The following STK39 variants were observed in gnomAD, a reference collection of about 807,000 sequenced individuals.
STK39 encodes STE20/SPS1-related proline-alanine-rich protein kinase.
Under a neutral mutation model 77.8 loss-of-function variants are expected in STK39, and 20 were observed. That is an observed-to-expected ratio of 0.26 (90% CI 0.18 to 0.37). The LOEUF (loss-of-function observed/expected upper bound fraction) is 0.37. Ranked by LOEUF, STK39 falls within the 10% of genes least tolerant of loss-of-function variation. The pLI is 1.00. For missense variants in STK39, 479 were observed against 656.5 expected, an observed-to-expected ratio of 0.73 and a Z score of 2.95; for synonymous variants, 246 against 234.1, an observed-to-expected ratio of 1.05 and a Z score of -0.47.
chr2:167,970,237 T>A (rs1245508027), intron 16 of STK39, among the ~76,000 whole-genome samples: 1 of 152,202 alleles, frequency 6.6e-6, no homozygotes, highest in Non-Finnish European at 1.5e-5. Flanking sequence ...TATTTATACA[T>A]TATTTCTGGA....
intron 1 of STK39, among the ~76,000 whole-genome samples, chr2:168,207,141 A>T (rs182149430): frequency 3.5e-4 from 54 of 152,356 alleles, no homozygotes; most frequent in African/African-American, 1.3e-3. Flanking sequence ...TAAATGACCA[A>T]GATCACACTA....
chr2:168,071,871 A>C (rs1685950641), intron 12 of STK39, among the ~76,000 whole-genome samples: 1 of 105,832 alleles, frequency 9.4e-6, no homozygotes, highest in African/African-American at 2.9e-5. Flanking sequence ...CTCCATCTCA[A>C]AAAAAAAAAA....
chr2:168,013,397 G>T (rs931213220), intron 15 of STK39, among the ~76,000 whole-genome samples: 3 of 152,196 alleles, frequency 2.0e-5, no homozygotes, highest in Admixed American at 2.0e-4. Context: ...GGTTACGAAT[G>T]AACATGATCA....
At chr2:168,222,897 A>G (rs1690211224) in intron 1 of STK39, among the ~76,000 whole-genome samples, 1 of 152,204 alleles carries the variant, frequency 6.6e-6, no homozygotes, top group Non-Finnish European at 1.5e-5. Flanking sequence ...GGACTAAATG[A>G]GCTAAATATG....
intron 16 of STK39, among the ~76,000 whole-genome samples, chr2:167,965,984 G>A (rs1692148769): frequency 6.6e-6 from 1 of 152,014 alleles, no homozygotes; most frequent in Admixed American, 6.6e-5. Context: ...TACTCAATAT[G>A]GCCTATTTCT....
chr2:167,960,805 C>A (rs140920619), intron 17 of STK39, among the ~76,000 whole-genome samples: 8 of 152,084 alleles, frequency 5.3e-5, no homozygotes, highest in South Asian at 2.1e-4. Context: ...GAGAACCACT[C>A]GTCTATCCCA....
chr2:168,244,461 G>A (rs1057270077), intron 1 of STK39, among the ~76,000 whole-genome samples: 4 of 152,170 alleles, frequency 2.6e-5, no homozygotes, highest in Admixed American at 1.3e-4. Flanking sequence ...TGCTGGTCAC[G>A]GTTCACACTG....
At chr2:168,195,325 AG>A (rs1332228851) in intron 1 of STK39, among the ~76,000 whole-genome samples, 1 of 152,138 alleles carries the variant, frequency 6.6e-6, no homozygotes, top group African/African-American at 2.4e-5. Context: ...GCTTGAGCAG[AG>A]GAAGTTGAGG....
chr2:168,223,253 T>C (rs1690220048), intron 1 of STK39, among the ~76,000 whole-genome samples: 1 of 152,134 alleles, frequency 6.6e-6, no homozygotes, highest in African/African-American at 2.4e-5. Context: ...CTCATGCCTA[T>C]AATCTCAGCA....
At chr2:168,208,104 T>C (rs1689788532) in intron 1 of STK39, among the ~76,000 whole-genome samples, 3 of 152,198 alleles carry the variant, frequency 2.0e-5, no homozygotes, top group Non-Finnish European at 2.9e-5. Context: ...GTCAAGGTCA[T>C]GTAATGAACA....
At chr2:168,095,111 G>A (rs1292331229) in intron 10 of STK39, among the ~76,000 whole-genome samples, 1 of 152,068 alleles carries the variant, frequency 6.6e-6, no homozygotes, top group Non-Finnish European at 1.5e-5. Context: ...GCTTCTTCCA[G>A]CCTGATCTCC....
At chr2:168,088,224 T>A (rs1686422073) in intron 10 of STK39, among the ~76,000 whole-genome samples, 1 of 152,228 alleles carries the variant, frequency 6.6e-6, no homozygotes, top group Admixed American at 6.5e-5. Flanking sequence ...TCAGAATAAC[T>A]TTTAAATGTC....
chr2:168,201,271 G>C (rs1689604489), intron 1 of STK39, among the ~76,000 whole-genome samples: 1 of 152,214 alleles, frequency 6.6e-6, no homozygotes, highest in African/African-American at 2.4e-5. Context: ...CCACGCTGCA[G>C]AGGCCAAACC....
At chr2:167,974,804 G>A (rs1482390565) in intron 16 of STK39, among the ~76,000 whole-genome samples, 1 of 152,202 alleles carries the variant, frequency 6.6e-6, no homozygotes, top group Non-Finnish European at 1.5e-5. Flanking sequence ...AAGCACTCTT[G>A]AATACAGGTT....
At chr2:168,053,943 A>C (rs1360353570) in intron 14 of STK39, among the ~76,000 whole-genome samples, 2 of 152,264 alleles carry the variant, frequency 1.3e-5, no homozygotes, top group Non-Finnish European at 2.9e-5. Context: ...TGTCAGCAGC[A>C]AATGTAGGAC....
intron 5 of STK39, among the ~76,000 whole-genome samples, chr2:168,144,480 A>AT (rs1688079523): frequency 6.6e-6 from 1 of 151,446 alleles, no homozygotes; most frequent in Non-Finnish European, 1.5e-5. Flanking sequence ...ATTTATTTTT[A>AT]TTTTTTGTAG....
intron 1 of STK39, among the ~76,000 whole-genome samples, chr2:168,245,729 A>G (rs1488857458): frequency 6.6e-6 from 1 of 152,222 alleles, no homozygotes; most frequent in African/African-American, 2.4e-5. Context: ...TACAGGGCCT[A>G]TATGCCAGGT....
rs1443777005 is a variant in STK39 at position 168,140,269 on chromosome 2, G to T, written c.840+20C>A. 4.4e-6 allele frequency: 7 copies of T among 1,579,586 alleles called. No individual in the cohort carries two copies. Among genetic ancestry groups the T allele is most frequent in the Non-Finnish European group, 6.1e-6 (7 of 1,148,464 alleles). On this transcript the variant is annotated intron_variant, in intron 7 of 17. Coordinates refer to ENST00000355999, the MANE Select transcript of STK39 (RefSeq NM_013233.3). The stretch of plus-strand genomic sequence containing the variant: ...CCAATCACATTTCAACCCCGATGTA[G>T]TATTTCCAATTGTAATTACTTTCAT...
intron 16 of STK39, among the ~76,000 whole-genome samples, chr2:168,008,746 A>G (rs1422791820): frequency 2.6e-5 from 4 of 152,198 alleles, no homozygotes; most frequent in African/African-American, 9.7e-5. Flanking sequence ...GGAACCAACA[A>G]AAAAGACTGA....
Sources: allele counts gnomAD v4.1 joint callset (sites outside exome capture counted in the v4.1 genomes callset), GRCh38; gene constraint gnomAD v4.1.1; transcripts MANE v1.5; gene names NCBI Gene and HGNC (gene_info 2026-07-23, HGNC 2026-07-21).